Variants in PTPRG observed in about 807,000 individuals in gnomAD.
PTPRG encodes protein tyrosine phosphatase receptor type G.
In PTPRG, 102 loss-of-function variants were observed where a neutral mutation model predicts 165.3. That is an observed-to-expected ratio of 0.62 (90% CI 0.53 to 0.73). PTPRG has a LOEUF of 0.73. Ranked by LOEUF, PTPRG falls within the 30% of genes least tolerant of loss-of-function variation. The pLI, the probability that PTPRG is intolerant of heterozygous loss-of-function variation, is 0.00. For synonymous variants in PTPRG, 675 were observed against 669.5 expected, an observed-to-expected ratio of 1.01 and a Z score of -0.13; for missense variants, 1,866 against 1,861.4, an observed-to-expected ratio of 1.00 and a Z score of -0.05.
chr3:62,003,835 A>G (rs2041230908), intron 4 of PTPRG, among the ~76,000 whole-genome samples: 4 of 152,214 alleles, frequency 2.6e-5, no homozygotes, highest in Admixed American at 2.6e-4. Context: ...GGTTGACTTC[A>G]TTTTCACCCT....
chr3:61,996,734 T>G (rs1406501458), intron 3 of PTPRG, among the ~76,000 whole-genome samples: 2 of 152,202 alleles, frequency 1.3e-5, no homozygotes, highest in Non-Finnish European at 2.9e-5. Flanking sequence ...ATTTTCCTGT[T>G]TCAAAGGCCC....
chr3:62,080,235 A>T (rs2366423), intron 5 of PTPRG, among the ~76,000 whole-genome samples: 23,316 of 146,046 alleles, frequency 0.16, 2,011 homozygotes, highest in South Asian at 0.27. Flanking sequence ...TGCCCAGCTA[A>T]TTTTTTTTTT....
intron 1 of PTPRG, among the ~76,000 whole-genome samples, chr3:61,689,433 A>G (rs2030013314): frequency 6.6e-6 from 1 of 152,238 alleles, no homozygotes; most frequent in African/African-American, 2.4e-5. Context: ...TGTGGCATGT[A>G]TGAATTTCAC....
intron 2 of PTPRG, among the ~76,000 whole-genome samples, chr3:61,861,426 G>A (rs2037268306): frequency 6.6e-6 from 1 of 152,192 alleles, no homozygotes; most frequent in East Asian, 1.9e-4. Context: ...CTAGAGGGCA[G>A]AAAATGCTGT....
At chr3:62,045,596 C>T (rs1329318538) in intron 4 of PTPRG, among the ~76,000 whole-genome samples, 1 of 152,202 alleles carries the variant, frequency 6.6e-6, no homozygotes, top group African/African-American at 2.4e-5. Flanking sequence ...GCCCTCAATG[C>T]TGCTGTTTTC....
chr3:62,247,066 C>T (rs1701302974), intron 15 of PTPRG, among the ~76,000 whole-genome samples: 1 of 152,122 alleles, frequency 6.6e-6, no homozygotes, highest in South Asian at 2.1e-4. Context: ...GCTTATTTTA[C>T]AGTTAGCCTC....
chr3:61,745,488 T>C (rs985116760), intron 1 of PTPRG, among the ~76,000 whole-genome samples: 1 of 152,178 alleles, frequency 6.6e-6, no homozygotes, highest in Admixed American at 6.5e-5. Flanking sequence ...GCATGTACTT[T>C]AGAAGCCAGT....
intron 2 of PTPRG, among the ~76,000 whole-genome samples, chr3:61,795,503 G>A (rs575265351): frequency 6.6e-6 from 1 of 151,962 alleles, no homozygotes; most frequent in South Asian, 2.1e-4. Context: ...AGCCGGGCAT[G>A]GTGGTAGGTA....
chr3:62,245,904 T>C lies in PTPRG; in HGVS notation c.2467+2006T>C, dbSNP rs1444034866. The stretch of plus-strand genomic sequence containing the variant: ...TTCTTTGATATAGGCTTTAGAACTT[T>C]CAATTCACTAGGATCCTCTGAATAT... On this transcript the variant is annotated intron_variant, in intron 15 of 29. Transcript: ENST00000474889. This position sits in a 1 kb window ranked among gnomAD's most constrained non-coding sequence, Gnocchi z 4.2. Among the ~76,000 whole-genome samples, 1 of 152,126 alleles carries C rather than the reference T, an allele frequency of 6.6e-6. No homozygotes were observed. Among genetic ancestry groups the C allele is most frequent in the Non-Finnish European group, 1.5e-5 (1 of 68,000 alleles).
chr3:61,743,812 A>G (rs548905499), intron 1 of PTPRG, among the ~76,000 whole-genome samples: 16 of 152,314 alleles, frequency 1.1e-4, no homozygotes, highest in Non-Finnish European at 4.4e-5. Context: ...CTTATTGTCT[A>G]TTCTGAAGAG....
intron 2 of PTPRG, among the ~76,000 whole-genome samples, chr3:61,762,242 C>T (rs1019985915): frequency 1.3e-5 from 2 of 152,142 alleles, no homozygotes; most frequent in Admixed American, 1.3e-4. Flanking sequence ...GTTATCTTTT[C>T]TCTCACCATC....
At position 62,195,675 on chromosome 3, in the gene PTPRG, G is replaced by C. The variant is rs1001586711; in HGVS notation, c.1327+505G>C. On this transcript the variant is annotated intron_variant, in intron 10 of 29. Coordinates refer to ENST00000474889, the MANE Select transcript of PTPRG (RefSeq NM_002841.4). The surrounding 1 kb of genome is among the most constrained non-coding windows in gnomAD (Gnocchi z 4.4). ...GGTCCTGATGACTTAGGGACTAATA[G>C]AAAGGTCCAGGGCCAGAACTAGGGT... Among the ~76,000 whole-genome samples, 2 of 152,180 alleles carry C rather than the reference G, an allele frequency of 1.3e-5. No individual in the cohort carries two copies. The highest frequency in any genetic ancestry group is 2.4e-5 in the African/African-American group (1 of 41,450).
chr3:61,837,825 G>A lies in PTPRG; in HGVS notation c.190+88843G>A, dbSNP rs117983988. On this transcript the variant is annotated intron_variant, in intron 2 of 29. Transcript: ENST00000474889. The stretch of plus-strand genomic sequence containing the variant: ...TTGCTTTCTTACAGTGCAGGAGGCT[G>A]CCAGTCAAATATCAGTGTATTGCAA... Among the ~76,000 whole-genome samples the A allele has an allele frequency of 8.5e-5, 13 of 152,312 alleles. No individual in the cohort carries two copies. In the East Asian group the frequency reaches 2.1e-3, roughly 25 times the overall value.
At chr3:62,276,760 A>T (rs1469718818) in intron 24 of PTPRG, 1 of 542,000 alleles carries the variant, frequency 1.8e-6, no homozygotes, top group Non-Finnish European at 3.3e-6. Context: ...CTGTATTCCT[A>T]CAATGCCTGT....
At chr3:61,707,071 TTTA>T (rs1393694514) in intron 1 of PTPRG, among the ~76,000 whole-genome samples, 2 of 152,204 alleles carry the variant, frequency 1.3e-5, no homozygotes, top group Non-Finnish European at 2.9e-5. Context: ...AGATAGTGTC[TTTA>T]TTGTTGTTAT....
intron 1 of PTPRG, among the ~76,000 whole-genome samples, chr3:61,617,471 G>A (rs994227257): frequency 2.6e-5 from 4 of 152,156 alleles, no homozygotes; most frequent in Admixed American, 2.6e-4. Flanking sequence ...TATGTAGGAA[G>A]TATACTTTCA....
intron 8 of PTPRG, among the ~76,000 whole-genome samples, chr3:62,170,902 C>T (rs1705190728): frequency 6.6e-6 from 1 of 152,100 alleles, no homozygotes; most frequent in African/African-American, 2.4e-5. Flanking sequence ...CAAGAAACTC[C>T]CGTCTAGGAT....
chr3:61,746,049 T>G (rs2033186114), intron 1 of PTPRG, among the ~76,000 whole-genome samples: 1 of 65,738 alleles, frequency 1.5e-5, no homozygotes, highest in Admixed American at 2.8e-4. Flanking sequence ...CTTTTTCTTT[T>G]CTTTTTTTTT....
At chr3:62,125,649 C>T (rs1027559107) in intron 5 of PTPRG, among the ~76,000 whole-genome samples, 5 of 151,472 alleles carry the variant, frequency 3.3e-5, no homozygotes, top group Admixed American at 3.3e-4. Flanking sequence ...AAATAAGCTC[C>T]TTTTGCCCCA....
Sources: allele counts gnomAD v4.1 joint callset (sites outside exome capture counted in the v4.1 genomes callset), GRCh38; gene constraint gnomAD v4.1.1; non-coding constraint Gnocchi (gnomAD v3.1); transcripts MANE v1.5; gene names NCBI Gene and HGNC (gene_info 2026-07-23, HGNC 2026-07-21).